GREB1L: variants seen among roughly 807,000 people sequenced by gnomAD.
The protein encoded by GREB1L is GREB1 like retinoic acid receptor coactivator.
A neutral mutation model predicts 200.8 loss-of-function variants in GREB1L; 17 were observed. That is an observed-to-expected ratio of 0.08 (90% CI 0.06 to 0.13). The LOEUF (loss-of-function observed/expected upper bound fraction) is 0.13, where lower values mean the gene tolerates loss of function less well. Ranked by LOEUF, GREB1L falls within the 10% of genes least tolerant of loss-of-function variation. The probability of loss-of-function intolerance (pLI) is 1.00; values close to 1 mark genes in which losing one functional copy is unlikely to be tolerated. For synonymous variants in GREB1L, 789 were observed against 893.0 expected (o/e 0.88, Z 2.08); for missense variants, 1,657 against 2,367.7 (o/e 0.70, Z 6.23).
At chr18:21,422,705 A>G (rs2144896866) in intron 7 of GREB1L, among the ~76,000 whole-genome samples, 1 of 152,332 alleles carries the variant, frequency 6.6e-6, no homozygotes, top group African/African-American at 2.4e-5. Context: ...ATAGGCATTT[A>G]TATTGTTTTG....
chr18:21,273,530 A>G (rs1056166719), intron 1 of GREB1L, among the ~76,000 whole-genome samples: 2 of 152,226 alleles, frequency 1.3e-5, no homozygotes, highest in Admixed American at 6.5e-5. Flanking sequence ...GTTCCTACGC[A>G]AACAGAAGAT....
chr18:21,361,468 G>A (rs1261169819), intron 1 of GREB1L, among the ~76,000 whole-genome samples: 5 of 152,120 alleles, frequency 3.3e-5, no homozygotes, highest in African/African-American at 4.8e-5. Flanking sequence ...GAGACTTGGG[G>A]GAGGGATCCA....
chr18:21,386,549 A>G (rs1360570772), intron 4 of GREB1L, among the ~76,000 whole-genome samples: 8 of 150,468 alleles, frequency 5.3e-5, no homozygotes, highest in Non-Finnish European at 4.4e-5. Flanking sequence ...TCGGCTCCCA[A>G]AGTGCTGGGA....
chr18:21,427,144 TTA>T (rs781778010), intron 7 of GREB1L, among the ~76,000 whole-genome samples: 2 of 152,170 alleles, frequency 1.3e-5, no homozygotes, highest in Non-Finnish European at 2.9e-5. Context: ...CATCTTAATA[TTA>T]ACCTTTCTGA....
Position 21,434,559 on chromosome 18 carries a change from A to G in GREB1L, c.833-4962A>G, listed in dbSNP as rs988330918. On this transcript the variant is annotated intron_variant, in intron 7 of 32. Coordinates refer to ENST00000424526, the MANE Select transcript of GREB1L (RefSeq NM_001142966.3). Reference sequence around the variant, plus strand: ...TATATATGTGTATATATATGTGTGTATATATATGTGTGTATATATATATAT... The same window carrying G: ...TATATATGTGTATATATATGTGTGTGTATATATGTGTGTATATATATATAT... Among the ~76,000 whole-genome samples, 3 of 131,204 alleles carry G rather than the reference A, an allele frequency of 2.3e-5. No homozygotes were observed. In the East Asian group the frequency reaches 7.0e-4, roughly 31 times the overall value. The allele number at this position is 131,204 out of a possible 152,430, so 86.1% of individuals were successfully genotyped here.
chr18:21,479,935 C>T (rs2035856954), intron 17 of GREB1L, among the ~76,000 whole-genome samples: 1 of 152,158 alleles, frequency 6.6e-6, no homozygotes, highest in South Asian at 2.1e-4. Flanking sequence ...GAGACAGTAT[C>T]TCACTGTATC....
chr18:21,375,768 G>GA (rs1033360076), intron 2 of GREB1L, among the ~76,000 whole-genome samples: 3 of 152,080 alleles, frequency 2.0e-5, no homozygotes, highest in Non-Finnish European at 2.9e-5. Context: ...CAGTTATCTT[G>GA]AAAATGTGAG....
intron 1 of GREB1L, among the ~76,000 whole-genome samples, chr18:21,296,951 C>T (rs1249586283): frequency 6.6e-6 from 1 of 152,084 alleles, no homozygotes; most frequent in Non-Finnish European, 1.5e-5. Flanking sequence ...CATCATTCTG[C>T]TTTAATTGAT....
chr18:21,372,494 C>A (rs965658264), intron 2 of GREB1L, among the ~76,000 whole-genome samples: 1 of 151,718 alleles, frequency 6.6e-6, no homozygotes, highest in Non-Finnish European at 1.5e-5. Context: ...ATTTTTTTTG[C>A]AATTTTTTTT....
At chr18:21,447,157 C>T (rs1367526108) in intron 11 of GREB1L, among the ~76,000 whole-genome samples, 4 of 152,158 alleles carry the variant, frequency 2.6e-5, no homozygotes, top group South Asian at 2.1e-4. Flanking sequence ...TGGTGGCTCA[C>T]GCTTGTAATC....
At chr18:21,399,292 A>G (rs1487609159) in intron 5 of GREB1L, among the ~76,000 whole-genome samples, 2 of 152,204 alleles carry the variant, frequency 1.3e-5, no homozygotes, top group African/African-American at 4.8e-5. Context: ...GCAGTTTTCC[A>G]TGAAGATGCC....
intron 4 of GREB1L, among the ~76,000 whole-genome samples, chr18:21,386,288 G>A (rs377684082): frequency 2.0e-5 from 3 of 152,144 alleles, no homozygotes; most frequent in African/African-American, 7.2e-5. Flanking sequence ...TTTATAGTTT[G>A]TAGATACCTT....
At chr18:21,278,823 T>C (rs2038219087) in intron 1 of GREB1L, among the ~76,000 whole-genome samples, 1 of 152,214 alleles carries the variant, frequency 6.6e-6, no homozygotes, top group Non-Finnish European at 1.5e-5. Context: ...AAAATTCAGA[T>C]TGTCTTAATG....
chr18:21,324,569 T>C (rs1473076865), intron 1 of GREB1L, among the ~76,000 whole-genome samples: 1 of 152,172 alleles, frequency 6.6e-6, no homozygotes, highest in Non-Finnish European at 1.5e-5. Context: ...CCCAGCACTT[T>C]GGGAGGCTGA....
At chr18:21,450,027 G>T (rs1253009585) in intron 12 of GREB1L, among the ~76,000 whole-genome samples, 191 bp downstream of exon 12, 1 of 152,034 alleles carries the variant, frequency 6.6e-6, no homozygotes, top group Non-Finnish European at 1.5e-5. Context: ...CCTCAGTTTG[G>T]CTGGTGCCCC....
intron 4 of GREB1L, among the ~76,000 whole-genome samples, chr18:21,393,011 G>A (rs765786518): frequency 6.6e-6 from 1 of 152,064 alleles, no homozygotes; most frequent in South Asian, 2.1e-4. Flanking sequence ...GGACCCAAGC[G>A]ATCTGCCTCT....
intron 15 of GREB1L, 129 bp from the exon 16 acceptor site, chr18:21,472,902 C>A (rs1598894675): frequency 1.8e-6 from 1 of 567,112 alleles, no homozygotes; most frequent in Non-Finnish European, 3.0e-6. Context: ...AAAGAAAAAA[C>A]ATCTGCTCTG....
At chr18:21,492,757 A>G (rs1330845341) in intron 19 of GREB1L, among the ~76,000 whole-genome samples, 1 of 152,112 alleles carries the variant, frequency 6.6e-6, no homozygotes, top group Non-Finnish European at 1.5e-5. Flanking sequence ...CTCAATTGGT[A>G]TGAGTAGCTG....
At chr18:21,396,114 G>A (rs934270875) in intron 5 of GREB1L, among the ~76,000 whole-genome samples, 2 of 148,698 alleles carry the variant, frequency 1.3e-5, no homozygotes, top group Non-Finnish European at 3.0e-5. Context: ...GCATGATCTC[G>A]GCTCACTGCA....
Sources: allele counts gnomAD v4.1 joint callset (sites outside exome capture counted in the v4.1 genomes callset), GRCh38; gene constraint gnomAD v4.1.1; transcripts MANE v1.5; gene names NCBI Gene and HGNC (gene_info 2026-07-23, HGNC 2026-07-21).